The following RBM46 variants were observed in gnomAD, a reference collection of about 807,000 sequenced individuals.
The protein encoded by RBM46 is RNA binding motif protein 46, also known as probable RNA-binding protein 46.
RBM46 carries 12 observed loss-of-function variants against 43.3 expected under a neutral mutation model. The ratio of observed to expected loss-of-function variants is 0.28; its 90% CI spans 0.18 to 0.45. The LOEUF is 0.45. RBM46 is among the 20% of genes least tolerant of loss of function. The pLI is 1.00. For missense variants in RBM46, 412 were observed against 639.1 expected, an observed-to-expected ratio of 0.64 and a Z score of 3.83; for synonymous variants, 205 against 207.6, an observed-to-expected ratio of 0.99 and a Z score of 0.11.
At chr4:154,783,035 T>A (rs1733578806) in intron 1 of RBM46, among the ~76,000 whole-genome samples, 1 of 152,206 alleles carries the variant, frequency 6.6e-6, no homozygotes, top group Non-Finnish European at 1.5e-5. Context: ...GGTCTAATAA[T>A]AGACTTGTTT....
intron 4 of RBM46, chr4:154,826,969 A>G: frequency 1.5e-6 from 2 of 1,290,422 alleles, no homozygotes; most frequent in Non-Finnish European, 2.0e-6. Context: ...GAAACACCAT[A>G]ATGTTTCTAA....
At chr4:154,786,700 G>A (rs1342907637) in intron 1 of RBM46, among the ~76,000 whole-genome samples, 4 of 151,544 alleles carry the variant, frequency 2.6e-5, no homozygotes, top group East Asian at 2.0e-4. Context: ...AGGCTGAGGC[G>A]GGTGGATCAC....
In RBM46 at chr4:154,799,150, C is replaced by A; in HGVS notation, c.988C>A (p.Leu330Met). ...NGQISPNSEN[L>M]IVFANKEESH... ...TCAGATTAGTCCAAATTCTGAAAAT[C>A]TGATTGTGTTTGCTAACAAAGAAGA... The change falls in exon 4 of 5, where the codon CTG becomes ATG. Residue 330 changes from leucine (L) to methionine (M), a missense_variant. Leu to Met is a conservative substitution (Grantham distance 15). Around this residue, in one of 8 missense-constraint regions of RBM46, gnomAD observed 105 missense variants for 111.0 expected, o/e 0.95. Coordinates refer to ENST00000281722, the MANE Select transcript of RBM46 (RefSeq NM_144979.5). The A allele has an allele frequency of 6.2e-7, 1 of 1,614,124 alleles. No individual in the cohort carries two copies. Among genetic ancestry groups the A allele is most frequent in the Non-Finnish European group, 8.5e-7 (1 of 1,180,026 alleles).
At chr4:154,817,819 T>G (rs1175564344) in intron 4 of RBM46, among the ~76,000 whole-genome samples, 1 of 151,486 alleles carries the variant, frequency 6.6e-6, no homozygotes, top group East Asian at 1.9e-4. Context: ...CTTGTTTTAT[T>G]TTTTCATTTC....
intron 4 of RBM46, among the ~76,000 whole-genome samples, chr4:154,821,697 G>A (rs970882521): frequency 6.6e-6 from 1 of 151,664 alleles, no homozygotes; most frequent in Non-Finnish European, 1.5e-5. Flanking sequence ...AGGCATTTGA[G>A]TTTTTAATTG....
At chr4:154,803,211 T>G (rs1386300132) in intron 4 of RBM46, among the ~76,000 whole-genome samples, 1 of 152,192 alleles carries the variant, frequency 6.6e-6, no homozygotes, top group Non-Finnish European at 1.5e-5. Flanking sequence ...GTGTTTTTTT[T>G]GGTCCTATCT....
chr4:154,795,115 G>A (rs1408936910), intron 1 of RBM46, among the ~76,000 whole-genome samples: 1 of 152,088 alleles, frequency 6.6e-6, no homozygotes, highest in Non-Finnish European at 1.5e-5. Flanking sequence ...ATAATAATAG[G>A]AAATACATGT....
chr4:154,805,629 C>A (rs1430034918), intron 4 of RBM46, among the ~76,000 whole-genome samples: 1 of 151,798 alleles, frequency 6.6e-6, no homozygotes. Context: ...AAGTTTTAAT[C>A]TGAAAAATAT....
At chr4:154,809,572 T>C (rs929696970) in intron 4 of RBM46, among the ~76,000 whole-genome samples, 14 of 152,126 alleles carry the variant, frequency 9.2e-5, no homozygotes, top group African/African-American at 3.4e-4. Flanking sequence ...TTTAAATATA[T>C]AGTATATTGA....
At chr4:154,820,227 CTTT>C (rs376736142) in intron 4 of RBM46, 6,505 of 443,896 alleles carry the variant, frequency 0.015, 335 homozygotes, top group African/African-American at 0.12. Flanking sequence ...CCCCTTACTT[CTTT>C]TTCTCTAAAT....
At chr4:154,826,822 G>C in intron 4 of RBM46, 8 of 1,513,970 alleles carry the variant, frequency 5.3e-6, no homozygotes, top group Non-Finnish European at 7.0e-6. Flanking sequence ...CATTCCTGTT[G>C]GCTAAACATT....
intron 4 of RBM46, among the ~76,000 whole-genome samples, chr4:154,818,968 G>A (rs934624600): frequency 3.3e-5 from 5 of 151,860 alleles, no homozygotes; most frequent in African/African-American, 1.2e-4. Flanking sequence ...AGTGTATTAG[G>A]CATTGTTATT....
chr4:154,796,929 A>G lies in RBM46; in HGVS notation c.151+26A>G, dbSNP rs376848595. The G allele has an allele frequency of 1.9e-5, 31 of 1,597,828 alleles. No homozygotes were observed. The African/African-American group carries it at 2.8e-4, about 15-fold the overall frequency. ...GTGTGGATTTGTTTACAGTCTTTTAAATTTAATCTTTAACCTCGTCATGTA... is the reference window on the plus strand; with the variant it reads ...GTGTGGATTTGTTTACAGTCTTTTAGATTTAATCTTTAACCTCGTCATGTA... On this transcript the variant is annotated intron_variant, in intron 2 of 4. Coordinates refer to ENST00000281722, the MANE Select transcript of RBM46 (RefSeq NM_144979.5).
At chr4:154,783,152 A>C (rs547485681) in intron 1 of RBM46, among the ~76,000 whole-genome samples, 7 of 152,196 alleles carry the variant, frequency 4.6e-5, no homozygotes, top group Non-Finnish European at 1.0e-4. Flanking sequence ...CATAAAGATG[A>C]CAGTGCTGCC....
At chr4:154,793,096 T>G (rs568188279) in intron 1 of RBM46, among the ~76,000 whole-genome samples, 1 of 152,356 alleles carries the variant, frequency 6.6e-6, no homozygotes, top group East Asian at 1.9e-4. Flanking sequence ...ATGTATATCT[T>G]TAAAACAACA....
Position 154,797,825 on chromosome 4 carries a change from C to T in RBM46, c.166C>T (p.Pro56Ser). Residue 56 changes from proline to serine, a missense_variant, in exon 3 of 5, where the codon CCT becomes TCT. By Grantham distance (74) the Pro-to-Ser change is moderately conservative (BLOSUM62 -1). Transcript: ENST00000281722. ...GGPPPGWEGP[P>S]PPRGCEVFVG... ...TTGTCGTTCAGGTTGGGAAGGTCCA[C>T]CTCCACCTAGAGGCTGTGAAGTTTT... is the stretch of plus-strand genomic sequence containing the variant. The T allele has an allele frequency of 6.5e-7, 1 of 1,535,330 alleles. No homozygotes were observed. Among genetic ancestry groups the T allele is most frequent in the Admixed American group, 2.2e-5 (1 of 45,886 alleles).
intron 4 of RBM46, among the ~76,000 whole-genome samples, chr4:154,821,790 C>T (rs944108255): frequency 6.6e-6 from 1 of 151,678 alleles, no homozygotes; most frequent in South Asian, 2.1e-4. Flanking sequence ...GAGATTTCTT[C>T]CCTGATATTC....
chr4:154,793,552 A>G (rs1734203116), intron 1 of RBM46, among the ~76,000 whole-genome samples: 1 of 152,146 alleles, frequency 6.6e-6, no homozygotes, highest in South Asian at 2.1e-4. Flanking sequence ...TCTGTGTGCC[A>G]AAGACTGTGG....
chr4:154,820,746 A>G (rs561717768), intron 4 of RBM46, among the ~76,000 whole-genome samples: 1 of 152,022 alleles, frequency 6.6e-6, no homozygotes, highest in African/African-American at 2.4e-5. Flanking sequence ...GTATCTGAGA[A>G]TACGACTCTC....
Sources: gnomAD v4.1 joint callset for allele counts (sites outside exome capture counted in the v4.1 genomes callset) on GRCh38, gnomAD v4.1.1 for gene constraint, gnomAD v4.1.1 regional missense constraint, MANE v1.5 for transcripts, NCBI Gene and HGNC (gene_info 2026-07-23, HGNC 2026-07-21) for gene names.